Variants in ATOSA observed in about 807,000 individuals in gnomAD.
ATOSA encodes the protein atos homolog A.
At chr15:52,600,310 ACT>A in the ATOSA span, 1 of 875,676 alleles carries the variant, frequency 1.1e-6, no homozygotes, top group Non-Finnish European at 1.8e-6. Flanking sequence ...ACAGGGTCTC[ACT>A]CTGTCACCCA....
At chr15:52,582,758 T>TA in the ATOSA span, among the ~76,000 whole-genome samples, 3 of 152,042 alleles carry the variant, frequency 2.0e-5, no homozygotes, top group Non-Finnish European at 2.9e-5. Flanking sequence ...GGGTAGATGA[T>TA]AAAAAACTGC....
chr15:52,677,891 T>A, the ATOSA span: 1 of 1,375,904 alleles, frequency 7.3e-7, no homozygotes, highest in Non-Finnish European at 1.0e-6. Context: ...AAACAGATAA[T>A]CACATATGAT....
the ATOSA span, among the ~76,000 whole-genome samples, chr15:52,701,532 A>G: frequency 1.3e-5 from 2 of 152,246 alleles, no homozygotes; most frequent in African/African-American, 2.4e-5. Context: ...TTAGCCATTT[A>G]GAAAGGATAA....
the ATOSA span, among the ~76,000 whole-genome samples, chr15:52,615,459 G>T: frequency 6.6e-6 from 1 of 152,172 alleles, no homozygotes; most frequent in African/African-American, 2.4e-5. Context: ...GTAATAGGAG[G>T]ACACAGAGTC....
chr15:52,626,613 G>T, the ATOSA span, among the ~76,000 whole-genome samples: 1 of 151,814 alleles, frequency 6.6e-6, no homozygotes, highest in East Asian at 1.9e-4. Context: ...ATTTACAGGT[G>T]AGGAAATTGG....
At chr15:52,656,129 ATTTT>A in the ATOSA span, 6 of 151,720 alleles carry the variant, frequency 4.0e-5, no homozygotes, top group Non-Finnish European at 2.9e-5. Context: ...TGTGAAGCTG[ATTTT>A]TTTTTAAGTT....
At chr15:52,707,258 G>A in the ATOSA span, among the ~76,000 whole-genome samples, 6 of 152,216 alleles carry the variant, frequency 3.9e-5, no homozygotes, top group East Asian at 1.9e-4. Context: ...TTGTCTTTCC[G>A]CAAATTGTTT....
At chr15:52,667,052 G>T in the ATOSA span, among the ~76,000 whole-genome samples, 19 of 152,074 alleles carry the variant, frequency 1.2e-4, no homozygotes, top group Non-Finnish European at 2.4e-4. Context: ...AAGAATAACA[G>T]GACTAATATG....
chr15:52,636,904 G>A, the ATOSA span, among the ~76,000 whole-genome samples: 2 of 152,140 alleles, frequency 1.3e-5, no homozygotes. Flanking sequence ...TACACTTGGG[G>A]AATTTGGGGA....
the ATOSA span, among the ~76,000 whole-genome samples, chr15:52,665,633 T>A: frequency 6.6e-6 from 1 of 152,198 alleles, no homozygotes; most frequent in Non-Finnish European, 1.5e-5. Context: ...TAATTCTACT[T>A]TTAGAACTTC....
the ATOSA span, among the ~76,000 whole-genome samples, chr15:52,659,236 A>G: frequency 6.6e-6 from 1 of 152,190 alleles, no homozygotes; most frequent in African/African-American, 2.4e-5. Context: ...TGCTCATCAC[A>G]GTACTTCTAG....
At chr15:52,670,042 T>A in the ATOSA span, among the ~76,000 whole-genome samples, 1 of 152,224 alleles carries the variant, frequency 6.6e-6, no homozygotes, top group Non-Finnish European at 1.5e-5. Flanking sequence ...CACCCAGAAA[T>A]AGTGGGCTGT....
the ATOSA span, among the ~76,000 whole-genome samples, chr15:52,650,221 T>C: frequency 6.6e-6 from 1 of 152,254 alleles, no homozygotes; most frequent in African/African-American, 2.4e-5. Context: ...CACTCCAAAC[T>C]CCCTTTCATA....
chr15:52,651,876 T>C, the ATOSA span: 1 of 1,535,518 alleles, frequency 6.5e-7, no homozygotes, highest in Non-Finnish European at 8.7e-7. Flanking sequence ...ACACCTTCTC[T>C]GTGAAGCCCT....
chr15:52,681,729 A>G, the ATOSA span, among the ~76,000 whole-genome samples: 1 of 152,120 alleles, frequency 6.6e-6, no homozygotes, highest in Non-Finnish European at 1.5e-5. Flanking sequence ...AAAGCCGTAT[A>G]TGAGTAATTA....
At chr15:52,596,383 A>T in the ATOSA span, among the ~76,000 whole-genome samples, 10 of 152,346 alleles carry the variant, frequency 6.6e-5, no homozygotes, top group African/African-American at 2.2e-4. Context: ...AGAAAGAACA[A>T]TAAAGTTAGG....
chr15:52,581,568 G>A, the ATOSA span: 1 of 152,430 alleles, frequency 6.6e-6, no homozygotes, highest in Admixed American at 6.5e-5. Context: ...AATACAATAT[G>A]TTAAAGGACT....
chr15:52,632,613 T>C, the ATOSA span, among the ~76,000 whole-genome samples: 9 of 152,280 alleles, frequency 5.9e-5, no homozygotes, highest in Admixed American at 1.3e-4. Context: ...TGATAGGAAT[T>C]ATTAATTAGT....
chr15:52,583,745 C>T, the ATOSA span, among the ~76,000 whole-genome samples: 2 of 152,212 alleles, frequency 1.3e-5, no homozygotes, highest in Non-Finnish European at 2.9e-5. Flanking sequence ...TTCATTCCCA[C>T]AATCTGTGTA....
Sources: allele counts gnomAD v4.1 joint callset (sites outside exome capture counted in the v4.1 genomes callset), GRCh38; gene constraint gnomAD v4.1.1; transcripts MANE v1.5; gene names NCBI Gene and HGNC (gene_info 2026-07-23, HGNC 2026-07-21).